DTNA: variants seen among roughly 807,000 people sequenced by gnomAD.
DTNA encodes dystrophin-related protein 3.
DTNA carries 43 observed loss-of-function variants against 100.7 expected under a neutral mutation model. That is an observed-to-expected ratio of 0.43 (90% CI 0.33 to 0.55). The LOEUF (loss-of-function observed/expected upper bound fraction) is 0.55. Ranked by LOEUF, DTNA falls within the 20% of genes least tolerant of loss-of-function variation. DTNA has a pLI of 0.04. For synonymous variants in DTNA, 349 were observed against 347.9 expected, an observed-to-expected ratio of 1.00 and a Z score of -0.04; for missense variants, 798 against 953.9, an observed-to-expected ratio of 0.84 and a Z score of 2.15.
chr18:34,699,768 T>G (rs1005438897), intron 1 of DTNA, among the ~76,000 whole-genome samples: 9 of 152,340 alleles, frequency 5.9e-5, no homozygotes, highest in African/African-American at 2.2e-4. Context: ...CTAATAAATC[T>G]GTTGCATTTC....
At chr18:34,655,830 TA>T (rs1367043532) in intron 1 of DTNA, among the ~76,000 whole-genome samples, 3 of 152,212 alleles carry the variant, frequency 2.0e-5, no homozygotes, top group Admixed American at 1.3e-4. Context: ...AGGAGACTCA[TA>T]ACGTTGCTAT....
chr18:34,643,967 AT>A (rs1162526264), intron 1 of DTNA, among the ~76,000 whole-genome samples: 1 of 152,090 alleles, frequency 6.6e-6, no homozygotes, highest in Admixed American at 6.6e-5. Flanking sequence ...CAAAAATTAC[AT>A]TTTTCTTCAG....
intron 1 of DTNA, chr18:34,557,933 C>G (rs1342781278): frequency 6.5e-6 from 1 of 153,316 alleles, no homozygotes; most frequent in Non-Finnish European, 1.5e-5. Flanking sequence ...TTTACCTAAT[C>G]AAGCCTGGGC....
chr18:34,781,495 TA>T (rs2094319760), intron 3 of DTNA, among the ~76,000 whole-genome samples: 1 of 152,172 alleles, frequency 6.6e-6, no homozygotes, highest in Non-Finnish European at 1.5e-5. Flanking sequence ...CCATTGGCCT[TA>T]AAAGTTTTTT....
At chr18:34,502,485 A>T (rs2040034000) in intron 1 of DTNA, among the ~76,000 whole-genome samples, 1 of 152,120 alleles carries the variant, frequency 6.6e-6, no homozygotes, top group Non-Finnish European at 1.5e-5. Flanking sequence ...TTTCTAATGT[A>T]TGCATTTAGT....
At chr18:34,760,768 C>T (rs1003471607) in intron 2 of DTNA, among the ~76,000 whole-genome samples, 1 of 152,188 alleles carries the variant, frequency 6.6e-6, no homozygotes, top group African/African-American at 2.4e-5. Context: ...TAGAATAGCC[C>T]TACTTGTGCA....
chr18:34,877,968 T>G (rs1210451762), intron 19 of DTNA, among the ~76,000 whole-genome samples, 160 bp downstream of exon 19: 1 of 152,108 alleles, frequency 6.6e-6, no homozygotes. Flanking sequence ...GGTTTTTTTT[T>G]TGTTTGTTTG....
chr18:34,865,564 G>A (rs796874670), intron 17 of DTNA, among the ~76,000 whole-genome samples: 1 of 152,052 alleles, frequency 6.6e-6, no homozygotes, highest in East Asian at 1.9e-4. Flanking sequence ...AATTCTTGTT[G>A]ATCTATCTTG....
At chr18:34,869,066 C>G (rs2096737787) in intron 17 of DTNA, among the ~76,000 whole-genome samples, 1 of 152,038 alleles carries the variant, frequency 6.6e-6, no homozygotes, top group South Asian at 2.1e-4. Flanking sequence ...GGAATTAGAC[C>G]TGAATTACAG....
chr18:34,496,129 A>G (rs1459084073), intron 1 of DTNA, among the ~76,000 whole-genome samples: 3 of 151,952 alleles, frequency 2.0e-5, no homozygotes, highest in Non-Finnish European at 4.4e-5. Context: ...GAATCCAACT[A>G]AACGGCACGG....
At chr18:34,817,958 C>T (rs1043441880) in intron 7 of DTNA, 24 of 1,458,278 alleles carry the variant, frequency 1.6e-5, no homozygotes, top group Non-Finnish European at 2.1e-5. Context: ...CTTCTCCATC[C>T]CATTTCATTT....
intron 1 of DTNA, among the ~76,000 whole-genome samples, chr18:34,674,857 T>A (rs2077204945): frequency 6.6e-6 from 1 of 152,182 alleles, no homozygotes; most frequent in Admixed American, 6.5e-5. Context: ...ATGGTAATTT[T>A]AAATGATAAC....
At chr18:34,588,158 C>T (rs777107248) in intron 1 of DTNA, among the ~76,000 whole-genome samples, 10 of 152,146 alleles carry the variant, frequency 6.6e-5, no homozygotes, top group Non-Finnish European at 8.8e-5. Flanking sequence ...TATCTATAGA[C>T]TTAAGATTCA....
intron 1 of DTNA, among the ~76,000 whole-genome samples, chr18:34,561,973 C>A (rs558183630): frequency 6.6e-6 from 1 of 152,136 alleles, no homozygotes; most frequent in Admixed American, 6.5e-5. Flanking sequence ...TAAGTGATTG[C>A]ATTTTTTTCT....
chr18:34,505,042 C>G (rs1005857289), intron 1 of DTNA, among the ~76,000 whole-genome samples: 1 of 152,166 alleles, frequency 6.6e-6, no homozygotes, highest in Non-Finnish European at 1.5e-5. Context: ...CAGTGCATGC[C>G]TTACAGAAGT....
At chr18:34,508,517 C>T (rs1376478863) in intron 1 of DTNA, among the ~76,000 whole-genome samples, 1 of 152,046 alleles carries the variant, frequency 6.6e-6, no homozygotes, top group African/African-American at 2.4e-5. Context: ...GAATTCCAAA[C>T]CCCAGGATAG....
At chr18:34,545,660 G>T (rs1279981042) in intron 1 of DTNA, among the ~76,000 whole-genome samples, 2 of 152,010 alleles carry the variant, frequency 1.3e-5, no homozygotes, top group African/African-American at 4.8e-5. Flanking sequence ...AGATATGCAA[G>T]TTTGGATTTC....
chr18:34,550,037 C>A (rs565996566), intron 1 of DTNA, among the ~76,000 whole-genome samples: 1 of 152,224 alleles, frequency 6.6e-6, no homozygotes, highest in South Asian at 2.1e-4. Flanking sequence ...AAATCATACT[C>A]TCTGCCTTAA....
chr18:34,790,366 G>C lies in DTNA; in HGVS notation c.149-3671G>C, dbSNP rs2094672613. Among the ~76,000 whole-genome samples the C allele has an allele frequency of 1.7e-5, 2 of 117,036 alleles. 1 individual carries two copies. Among genetic ancestry groups the C allele is most frequent in the African/African-American group, 7.0e-5 (2 of 28,462 alleles). The allele number at this position is 117,036 out of a possible 152,430, so 76.8% of individuals were successfully genotyped here. Reference sequence around the variant, plus strand: ...AAGGGGTATAAAACCCGGAGACAGGGTTTCTGATCCAGCCCAGAAAGATAT... The same window carrying C: ...AAGGGGTATAAAACCCGGAGACAGGCTTTCTGATCCAGCCCAGAAAGATAT... On this transcript the variant is annotated intron_variant, in intron 3 of 22. Transcript: ENST00000444659.
Sources: gnomAD v4.1 joint callset for allele counts (sites outside exome capture counted in the v4.1 genomes callset) on GRCh38, gnomAD v4.1.1 for gene constraint, MANE v1.5 for transcripts, NCBI Gene and HGNC (gene_info 2026-07-23, HGNC 2026-07-21) for gene names.